RERG: variants seen among roughly 807,000 people sequenced by gnomAD.
RERG encodes ras-related and estrogen-regulated growth inhibitor.
In RERG, 25 loss-of-function variants were observed where a neutral mutation model predicts 23.2. That is an observed-to-expected ratio of 1.08 (90% CI 0.79 to 1.50). RERG has a LOEUF of 1.50. Among genes scored for constraint, RERG ranks in the 40% most tolerant of loss-of-function variants. The pLI is 0.00. For missense variants in RERG, 253 were observed against 250.1 expected, an observed-to-expected ratio of 1.01 and a Z score of -0.08; for synonymous variants, 81 against 89.1, an observed-to-expected ratio of 0.91 and a Z score of 0.51.
intron 2 of RERG, among the ~76,000 whole-genome samples, chr12:15,146,545 T>C (rs1468694244): frequency 6.6e-6 from 1 of 152,246 alleles, no homozygotes. Flanking sequence ...GAGGTTTACA[T>C]GGCTTGAGTA....
At chr12:15,161,867 C>T (rs1864620543) in intron 2 of RERG, among the ~76,000 whole-genome samples, 1 of 152,144 alleles carries the variant, frequency 6.6e-6, no homozygotes. Context: ...CCAAAACATA[C>T]AAAGTATATT....
intron 2 of RERG, among the ~76,000 whole-genome samples, chr12:15,202,430 C>G (rs1382859831): frequency 6.6e-6 from 1 of 151,750 alleles, no homozygotes; most frequent in Non-Finnish European, 1.5e-5. Context: ...ACTTTATGCA[C>G]ATTGAATAAC....
chr12:15,199,053 C>G (rs1865183190), intron 2 of RERG, among the ~76,000 whole-genome samples: 1 of 152,160 alleles, frequency 6.6e-6, no homozygotes, highest in South Asian at 2.1e-4. Flanking sequence ...TCACAGTCTT[C>G]TCTCTGGTCC....
chr12:15,150,322 A>G (rs1864418535), intron 2 of RERG, among the ~76,000 whole-genome samples: 1 of 152,234 alleles, frequency 6.6e-6, no homozygotes, highest in Non-Finnish European at 1.5e-5. Flanking sequence ...TCAGAGCCAA[A>G]ACAAGATGGC....
intron 2 of RERG, among the ~76,000 whole-genome samples, chr12:15,173,483 G>A (rs1864803977): frequency 6.6e-6 from 1 of 151,794 alleles, no homozygotes; most frequent in African/African-American, 2.4e-5. Context: ...TTTTAAGATC[G>A]GCTTGTGAAT....
intron 2 of RERG, among the ~76,000 whole-genome samples, chr12:15,181,341 A>G (rs1270164589): frequency 6.6e-6 from 1 of 152,256 alleles, no homozygotes; most frequent in African/African-American, 2.4e-5. Flanking sequence ...TTCCATATCA[A>G]TTCAGAAACT....
At chr12:15,170,358 G>A (rs1864760234) in intron 2 of RERG, among the ~76,000 whole-genome samples, 1 of 152,014 alleles carries the variant, frequency 6.6e-6, no homozygotes. Flanking sequence ...GGAAGGGAGT[G>A]GGAGGACAGA....
chr12:15,170,139 TTAAGACTATTTTAAAATA>T (rs1565527181), intron 2 of RERG, among the ~76,000 whole-genome samples: 1 of 149,462 alleles, frequency 6.7e-6, no homozygotes, highest in Non-Finnish European at 1.5e-5. Flanking sequence ...TGAATAAAAC[TTAAGACTATTTTAAAATA>T]AAAGTGCAAT....
At chr12:15,137,337 T>C (rs1323401162) in intron 2 of RERG, among the ~76,000 whole-genome samples, 1 of 151,808 alleles carries the variant, frequency 6.6e-6, no homozygotes, top group African/African-American at 2.4e-5. Context: ...TGACAGTCTC[T>C]TTTAATTGAT....
chr12:15,162,830 A>ACAG (rs1864634047), intron 2 of RERG, among the ~76,000 whole-genome samples: 1 of 152,216 alleles, frequency 6.6e-6, no homozygotes, highest in Admixed American at 6.5e-5. Flanking sequence ...CTATCATCAC[A>ACAG]CAGCTAATTC....
At chr12:15,219,256 T>C (rs928763524) in intron 1 of RERG, among the ~76,000 whole-genome samples, 1 of 152,212 alleles carries the variant, frequency 6.6e-6, no homozygotes, top group African/African-American at 2.4e-5. Flanking sequence ...GAGAGAGAAA[T>C]TAAAAAGTGA....
chr12:15,117,685 A>G (rs562099374), intron 3 of RERG, among the ~76,000 whole-genome samples: 73,293 of 151,196 alleles, frequency 0.48, 18,374 homozygotes, highest in Admixed American at 0.6. Context: ...GCACACACAC[A>G]CACACACACA....
rs553961174 is a variant in RERG, at chr12:15,176,834, G to C, written c.61+40595C>G. Among the ~76,000 whole-genome samples, 6 of 152,170 alleles carry C rather than the reference G, an allele frequency of 3.9e-5. No individual in the cohort carries two copies. The South Asian group carries it at 1.2e-3, about 32-fold the overall frequency. On this transcript the variant is annotated intron_variant, in intron 2 of 4. Coordinates refer to ENST00000256953, the MANE Select transcript of RERG (RefSeq NM_032918.3). ...AAGATTTCTTCTTCCATTGTGAAAT[G>C]CGTTATTTTCAAATATCTTTCTGAT...
At chr12:15,161,525 CTT>C (rs1026727705) in intron 2 of RERG, among the ~76,000 whole-genome samples, 4 of 152,206 alleles carry the variant, frequency 2.6e-5, no homozygotes, top group African/African-American at 4.8e-5. Context: ...GCCAGATCCC[CTT>C]CACTCACCAT....
Position 15,108,098 on chromosome 12 carries a change from C to G in RERG, c.*1012G>C, listed in dbSNP as rs1420916774. The G allele has an allele frequency of 6.6e-6, 1 of 152,522 alleles. No individual in the cohort carries two copies. The highest frequency in any genetic ancestry group is 1.5e-5 in the Non-Finnish European group (1 of 68,010). The allele number at this position is 152,522 out of a possible 1,614,324, so 9.4% of individuals were successfully genotyped here. A position where few individuals can be genotyped will look rare whatever the true frequency, so the allele number is the denominator to read the frequency against. On this transcript the variant is annotated 3_prime_UTR_variant, in exon 5 of 5. Transcript: ENST00000256953. ...ATTCAGCTGTAATGAACTTTAATCA[C>G]CCATTCTTTTCTGAATTCTCCTAAG...
chr12:15,131,626 A>C (rs1565512869), intron 2 of RERG, among the ~76,000 whole-genome samples: 1 of 152,142 alleles, frequency 6.6e-6, no homozygotes, highest in Non-Finnish European at 1.5e-5. Context: ...AGTGACTCAG[A>C]GTGACTAAGT....
chr12:15,108,247 A>G lies in RERG; in HGVS notation c.*863T>C, dbSNP rs879380597. ...CCCAATGGAGGCATGGTTAAGCTCCATTCTTAATTTGCTTGTCTTTTGGAC... is the reference window on the plus strand; with the variant it reads ...CCCAATGGAGGCATGGTTAAGCTCCGTTCTTAATTTGCTTGTCTTTTGGAC... On this transcript the variant is annotated 3_prime_UTR_variant, in exon 5 of 5. Coordinates refer to ENST00000256953, the MANE Select transcript of RERG (RefSeq NM_032918.3). The G allele has an allele frequency of 6.6e-6, 1 of 152,198 alleles. No individual in the cohort carries two copies. The highest frequency in any genetic ancestry group is 1.9e-4 in the East Asian group (1 of 5,202). The allele number at this position is 152,198 out of a possible 1,614,324, so 9.4% of individuals were successfully genotyped here.
At position 15,210,856 on chromosome 12, in the gene RERG, A is replaced by AC. The variant is rs545830133; in HGVS notation, c.61+6572dup. On this transcript the variant is annotated intron_variant, in intron 2 of 4. Coordinates refer to ENST00000256953, the MANE Select transcript of RERG (RefSeq NM_032918.3). ...TACAAACCCTGTAAAGCCACAGGTA[A>AC]CCAGAGCACTATATTTTAGGACAAC... Among the ~76,000 whole-genome samples the AC allele has an allele frequency of 1.1e-3, 170 of 152,300 alleles. 2 individuals are homozygous for AC. Among genetic ancestry groups the AC allele is most frequent in the African/African-American group, 3.7e-3 (155 of 41,556 alleles).
In RERG at chr12:15,121,098, G is replaced by C. The variant is rs953176797; in HGVS notation, c.83C>G (p.Thr28Ser). ...ATCATATTCCCAGATGAACCGTTTG[G>C]TCAGAAATCTCACTACAAGAGCTGT... ...GKSALVVRFL[T>S]KRFIWEYDPT... The change falls in exon 3 of 5, where the codon ACC becomes AGC. Residue 28 changes from threonine to serine, a missense_variant. Transcript: ENST00000256953. 3.1e-6 allele frequency: 5 copies of C among 1,613,380 alleles called. No homozygotes were observed. Among genetic ancestry groups the C allele is most frequent in the Non-Finnish European group, 3.4e-6 (4 of 1,179,514 alleles).
Sources: allele counts gnomAD v4.1 joint callset (sites outside exome capture counted in the v4.1 genomes callset), GRCh38; gene constraint gnomAD v4.1.1; transcripts MANE v1.5; gene names NCBI Gene and HGNC (gene_info 2026-07-23, HGNC 2026-07-21).